Variants in MX2 observed in about 807,000 individuals in gnomAD.
The protein encoded by MX2 is MX dynamin like GTPase 2.
A neutral mutation model predicts 74.0 loss-of-function variants in MX2; 51 were observed. That is an observed-to-expected ratio of 0.69 (90% CI 0.55 to 0.87). The LOEUF is 0.87. Ranked by LOEUF, MX2 falls within the 40% of genes least tolerant of loss-of-function variation. MX2 has a pLI of 0.00. For missense variants in MX2, 832 were observed against 908.7 expected (o/e 0.92, Z 1.09); for synonymous variants, 369 against 339.3 (o/e 1.09, Z -0.96).
At chr21:41,403,180 T>C in intron 11 of MX2, 87 bp from the exon 12 acceptor site, 1 of 1,089,798 alleles carries the variant, frequency 9.2e-7, no homozygotes, top group East Asian at 2.5e-5. Context: ...TCATCAGTCA[T>C]CCTCCCTGTG....
rs751145140 is a variant in MX2, at chr21:41,401,952, G to A, written c.1415-18G>A. On this transcript the variant is annotated intron_variant, in intron 10 of 13. Transcript: ENST00000330714. Reference sequence around the variant, plus strand: ...AGAATTAGCAGAATTCACCATGGAGGTCTGTTTGATGTTGCAGTTAAAAAT... The same window carrying A: ...AGAATTAGCAGAATTCACCATGGAGATCTGTTTGATGTTGCAGTTAAAAAT... The A allele has an allele frequency of 2.1e-5, 33 of 1,608,824 alleles. No individual in the cohort carries two copies. Among genetic ancestry groups the A allele is most frequent in the Non-Finnish European group, 2.5e-5 (30 of 1,177,408 alleles).
chr21:41,403,261 G>C lies in MX2; in HGVS notation c.1574-6G>C, dbSNP rs376595215. ...TCTTCTTCTCCTTTTTGCTTTTTTTGGTCAGAAATTATCCAGCAAGCTTTC... is the reference window on the plus strand; with the variant it reads ...TCTTCTTCTCCTTTTTGCTTTTTTTCGTCAGAAATTATCCAGCAAGCTTTC... On this transcript the variant is annotated splice_polypyrimidine_tract_variant and splice_region_variant and intron_variant, in intron 11 of 13. Transcript: ENST00000330714. The C allele has an allele frequency of 2.0e-6, 3 of 1,471,220 alleles. No homozygotes were observed. Among genetic ancestry groups the C allele is most frequent in the Admixed American group, 2.0e-5 (1 of 50,948 alleles). The allele number at this position is 1,471,220 out of a possible 1,614,324, so 91.1% of individuals were successfully genotyped here.
chr21:41,377,783 C>T lies in MX2; in HGVS notation c.250-6C>T. The T allele has an allele frequency of 6.2e-7, 1 of 1,605,792 alleles. No homozygotes were observed. On this transcript the variant is annotated splice_polypyrimidine_tract_variant and splice_region_variant and intron_variant, in intron 2 of 13. Transcript: ENST00000330714. ...AAGGCAGTGGCATCTGTTCTGCCTTCTCCAGGGGCCCGAGAACAACCTGTA... is the reference window on the plus strand; with the variant it reads ...AAGGCAGTGGCATCTGTTCTGCCTTTTCCAGGGGCCCGAGAACAACCTGTA...
intron 6 of MX2, among the ~76,000 whole-genome samples, chr21:41,393,750 T>C (rs573301959): frequency 1.8e-4 from 27 of 152,210 alleles, no homozygotes; most frequent in Non-Finnish European, 3.4e-4. Context: ...ACCCTGACCT[T>C]GCTTAACTGG....
intron 11 of MX2, 183 bp from the exon 12 acceptor site, chr21:41,403,084 T>C (rs570784539): frequency 3.4e-5 from 19 of 563,444 alleles, no homozygotes; most frequent in Admixed American, 1.8e-4. Context: ...GAGGGCTGGA[T>C]TGTGTGGCCC....
intron 1 of MX2, among the ~76,000 whole-genome samples, chr21:41,375,199 C>G (rs2089384408): frequency 6.6e-6 from 1 of 152,240 alleles, no homozygotes; most frequent in Non-Finnish European, 1.5e-5. Context: ...TCCAGACACT[C>G]CCTTGTCACC....
chr21:41,394,205 T>G (rs11908699), intron 6 of MX2, among the ~76,000 whole-genome samples: 13,747 of 152,214 alleles, frequency 0.09, 1,379 homozygotes, highest in African/African-American at 0.23. Flanking sequence ...CACATGCATA[T>G]AAACCCCGGA....
In MX2 at chr21:41,403,354, A is replaced by G. The variant is rs1362566639; in HGVS notation, c.1650+11A>G. 1 of 1,606,984 alleles carries G rather than the reference A, an allele frequency of 6.2e-7. No homozygotes were observed. The highest frequency in any genetic ancestry group is 1.1e-5 in the South Asian group (1 of 90,932). ...AACCAAACTGTTCAGGTAAGCACCCAGAGTTCACTTGCTAGTCACCTGGAC... is the reference window on the plus strand; with the variant it reads ...AACCAAACTGTTCAGGTAAGCACCCGGAGTTCACTTGCTAGTCACCTGGAC... On this transcript the variant is annotated intron_variant, in intron 12 of 13. Coordinates refer to ENST00000330714, the MANE Select transcript of MX2 (RefSeq NM_002463.2).
chr21:41,397,752 T>C, intron 8 of MX2, 61 bp downstream of exon 8: 1 of 1,471,652 alleles, frequency 6.8e-7, no homozygotes, highest in Non-Finnish European at 9.5e-7. Flanking sequence ...ACTCTCTTGG[T>C]CTGGAGTTGG....
At chr21:41,399,040 C>T in intron 9 of MX2, 21 bp downstream of exon 9, 1 of 1,607,440 alleles carries the variant, frequency 6.2e-7, no homozygotes, top group African/African-American at 1.3e-5. Context: ...CCGCAGGACT[C>T]CACGTGACAC....
Position 41,402,101 on chromosome 21 carries a change from G to C in MX2, c.1546G>C (p.Ala516Pro). ...HQYIQQLVEP[A>P]LSMLQKAMEI... is the part of the protein sequence containing the mutation. ...GTACATCCAGCAGCTGGTGGAGCCC[G>C]CCCTTAGCATGCTCCAGAAAGCCAT... The change falls in exon 11 of 14, where the codon GCC becomes CCC. Residue 516 changes from alanine (A) to proline (P), a missense_variant. Physicochemically the swap from Ala to Pro is conservative, Grantham distance 27. Transcript: ENST00000330714. This position sits in a 1 kb window ranked among gnomAD's most constrained non-coding sequence, Gnocchi z 4.5. 1 of 1,613,856 alleles carries C rather than the reference G, an allele frequency of 6.2e-7. No individual in the cohort carries two copies. The highest frequency in any genetic ancestry group is 8.5e-7 in the Non-Finnish European group (1 of 1,179,914).
intron 1 of MX2, among the ~76,000 whole-genome samples, chr21:41,373,381 C>T (rs1241414710): frequency 6.6e-6 from 1 of 152,200 alleles, no homozygotes; most frequent in Non-Finnish European, 1.5e-5. Flanking sequence ...GGGTGAGCCA[C>T]ACCCTCTCTG....
chr21:41,392,499 A>G (rs1298676586), intron 6 of MX2, among the ~76,000 whole-genome samples: 3 of 152,206 alleles, frequency 2.0e-5, no homozygotes, highest in African/African-American at 7.2e-5. Flanking sequence ...GTGGTTGCCC[A>G]AGACTGGAGG....
intron 1 of MX2, among the ~76,000 whole-genome samples, chr21:41,372,556 A>G (rs1209795601): frequency 1.2e-4 from 18 of 152,226 alleles, no homozygotes; most frequent in Non-Finnish European, 4.4e-5. Context: ...GTCAGTAAGG[A>G]CATCGCCCTT....
intron 6 of MX2, 134 bp from the exon 7 acceptor site, chr21:41,395,453 T>A: frequency 1.4e-6 from 1 of 693,380 alleles, no homozygotes; most frequent in East Asian, 2.7e-5. Flanking sequence ...GGAATGAGGA[T>A]GGAATGAGGC....
intron 5 of MX2, among the ~76,000 whole-genome samples, chr21:41,386,844 G>A (rs886082921): frequency 6.6e-6 from 1 of 152,214 alleles, no homozygotes; most frequent in African/African-American, 2.4e-5. Flanking sequence ...ATGTCCAGGA[G>A]TGTCCGAAGG....
intron 13 of MX2, 143 bp from the exon 14 acceptor site, chr21:41,407,848 G>C (rs569743559): frequency 3.9e-6 from 4 of 1,023,734 alleles, no homozygotes; most frequent in Non-Finnish European, 5.8e-6. Context: ...GCTTGATGCT[G>C]ACCACCGGAG....
chr21:41,390,576 C>T lies in MX2; in HGVS notation c.744C>T (p.Leu248=). Residue 248 remains leucine, a synonymous_variant, in exon 6 of 14, where the codon CTC becomes CTT. Transcript: ENST00000330714. ...TTCTTTGGCATCAGATCAAGGCTCTCATCAAGAAGTACATCCAGAGGCAGC... is the reference window on the plus strand; with the variant it reads ...TTCTTTGGCATCAGATCAAGGCTCTTATCAAGAAGTACATCCAGAGGCAGC... ...PRDIGLQIKA[L]IKKYIQRQQT... is the part of the protein sequence containing the mutation. 1 of 1,614,174 alleles carries T rather than the reference C, an allele frequency of 6.2e-7. No individual in the cohort carries two copies.
At position 41,377,907 on chromosome 21, in the gene MX2, T is replaced by C. The variant is rs2089429548; in HGVS notation, c.368T>C (p.Val123Ala). The C allele has an allele frequency of 6.2e-7, 1 of 1,614,108 alleles. No individual in the cohort carries two copies. The highest frequency in any genetic ancestry group is 8.5e-7 in the Non-Finnish European group (1 of 1,180,014). ...EQDLALPAIA[V>A]IGDQSSGKSS... ...GACCTGGCCCTGCCAGCCATCGCCG[T>C]CATCGGGGACCAGAGCTCGGGCAAG... Residue 123 changes from valine to alanine, a missense_variant, in exon 3 of 14, where the codon GTC becomes GCC. Transcript: ENST00000330714.
Sources: gnomAD v4.1 joint callset for allele counts (sites outside exome capture counted in the v4.1 genomes callset) on GRCh38, gnomAD v4.1.1 for gene constraint, Gnocchi (gnomAD v3.1) non-coding constraint, MANE v1.5 for transcripts, NCBI Gene and HGNC (gene_info 2026-07-23, HGNC 2026-07-21) for gene names.